The following ZC3HC1 variants were observed in gnomAD, a reference collection of about 807,000 sequenced individuals.
The protein encoded by ZC3HC1 is zinc finger C3HC-type containing 1.
A neutral mutation model predicts 61.9 loss-of-function variants in ZC3HC1; 38 were observed. The observed-to-expected ratio is 0.61, with a 90% CI of 0.47 to 0.81. The LOEUF (loss-of-function observed/expected upper bound fraction) is 0.81, where lower values mean the gene tolerates loss of function less well. Ranked by LOEUF, ZC3HC1 falls within the 30% of genes least tolerant of loss-of-function variation. ZC3HC1 has a pLI of 0.00. For synonymous variants in ZC3HC1, 213 were observed against 229.9 expected, an observed-to-expected ratio of 0.93 and a Z score of 0.67; for missense variants, 554 against 622.7, an observed-to-expected ratio of 0.89 and a Z score of 1.17.
intron 6 of ZC3HC1, among the ~76,000 whole-genome samples, chr7:130,024,796 C>A (rs947091970): frequency 3.3e-5 from 5 of 150,842 alleles, no homozygotes; most frequent in Non-Finnish European, 7.4e-5. Flanking sequence ...GTAATCCCAG[C>A]ACTTTGGGAG....
Position 130,018,590 on chromosome 7 carries a change from G to A in ZC3HC1, c.*74C>T, listed in dbSNP as rs111379097. 9.8e-4 allele frequency: 1,339 copies of A among 1,363,524 alleles called. 11 individuals carry two copies. In the African/African-American group the frequency reaches 0.017, roughly 17 times the overall value. The allele number at this position is 1,363,524 out of a possible 1,614,324, so 84.5% of individuals were successfully genotyped here. Reference sequence around the variant, plus strand: ...AGGAAAAACTTAGTGTCAGCTGACCGAAAGGAACTCAGCCTTAATTTTTCA... The same window carrying A: ...AGGAAAAACTTAGTGTCAGCTGACCAAAAGGAACTCAGCCTTAATTTTTCA... On this transcript the variant is annotated 3_prime_UTR_variant, in exon 10 of 10. Coordinates refer to ENST00000358303, the MANE Select transcript of ZC3HC1 (RefSeq NM_016478.5).
intron 2 of ZC3HC1, among the ~76,000 whole-genome samples, chr7:130,044,102 A>G (rs1794781436): frequency 6.6e-6 from 1 of 152,102 alleles, no homozygotes; most frequent in Admixed American, 6.6e-5. Flanking sequence ...ATAAACATAT[A>G]TATTTTCTAG....
chr7:130,030,162 C>T (rs537753454), intron 4 of ZC3HC1, among the ~76,000 whole-genome samples: 3 of 150,418 alleles, frequency 2.0e-5, no homozygotes, highest in East Asian at 3.9e-4. Context: ...GTCTAGTAGG[C>T]CTAGAATGAA....
At chr7:130,048,976 T>C in intron 2 of ZC3HC1, 57 bp downstream of exon 2, 4 of 1,391,472 alleles carry the variant, frequency 2.9e-6, no homozygotes, top group Non-Finnish European at 3.9e-6. Context: ...TGTAATACCT[T>C]GGAGGAATTC....
In ZC3HC1 at chr7:130,051,329, C is replaced by G; in HGVS notation, c.38G>C (p.Gly13Ala). The part of the protein sequence containing the change: ...APCEGQAFAV[G>A]VEKNWGAVVR... ...TACTGCACCCCAATTCTTTTCAACCCCTACGGCAAACGCTTGTCCCTCACA... is the reference window on the plus strand; with the variant it reads ...TACTGCACCCCAATTCTTTTCAACCGCTACGGCAAACGCTTGTCCCTCACA... The change falls in exon 1 of 10, where the codon GGG becomes GCG. Residue 13 changes from glycine to alanine, a missense_variant. By Grantham distance (60) the Gly-to-Ala change is moderately conservative (BLOSUM62 0). Coordinates refer to ENST00000358303, the MANE Select transcript of ZC3HC1 (RefSeq NM_016478.5). The G allele has an allele frequency of 6.2e-7, 1 of 1,613,360 alleles. No homozygotes were observed. The highest frequency in any genetic ancestry group is 1.3e-5 in the African/African-American group (1 of 75,016).
rs1194307319 is a variant in ZC3HC1 at position 130,029,170 on chromosome 7, A to T, written c.494-141T>A. Reference sequence around the variant, plus strand: ...CGGATCACCTGAGGTCAGGAGTTCAAGACCAACCTAGCCAACCTAGAAACC... The same window carrying T: ...CGGATCACCTGAGGTCAGGAGTTCATGACCAACCTAGCCAACCTAGAAACC... On this transcript the variant is annotated intron_variant, in intron 4 of 9. Coordinates refer to ENST00000358303, the MANE Select transcript of ZC3HC1 (RefSeq NM_016478.5). The T allele has an allele frequency of 5.8e-6, 5 of 859,848 alleles. No individual in the cohort carries two copies. The East Asian group carries it at 2.0e-4, about 34-fold the overall frequency. The allele number at this position is 859,848 out of a possible 1,614,324, so 53.3% of individuals were successfully genotyped here.
intron 3 of ZC3HC1, 113 bp downstream of exon 3, chr7:130,040,838 A>T: frequency 9.0e-5 from 92 of 1,027,784 alleles, no homozygotes; most frequent in Middle Eastern, 2.7e-4. Context: ...AAAAAAAAAG[A>T]TTGAAGTACG....
At chr7:130,036,493 C>T (rs990100327) in intron 4 of ZC3HC1, among the ~76,000 whole-genome samples, 1 of 151,958 alleles carries the variant, frequency 6.6e-6, no homozygotes, top group Non-Finnish European at 1.5e-5. Flanking sequence ...ACCCAAGAAG[C>T]GGAGGTTGCA....
chr7:130,022,669 T>A, intron 8 of ZC3HC1, 144 bp from the exon 9 acceptor site: 1 of 857,942 alleles, frequency 1.2e-6, no homozygotes, highest in South Asian at 1.7e-5. Context: ...TGCCTACACA[T>A]TTTCCTCTCA....
At chr7:130,041,240 T>G (rs1794658924) in intron 2 of ZC3HC1, 139 bp from the exon 3 acceptor site, 1 of 954,422 alleles carries the variant, frequency 1.0e-6, no homozygotes, top group Non-Finnish European at 1.5e-6. Context: ...CAGGCTGGAG[T>G]GCAGTGGCAC....
At chr7:130,040,652 A>C (rs1034791758) in intron 3 of ZC3HC1, among the ~76,000 whole-genome samples, 3 of 151,272 alleles carry the variant, frequency 2.0e-5, no homozygotes, top group South Asian at 2.1e-4. Context: ...CAAAAAAAAA[A>C]CAAAAATTAG....
At chr7:130,018,902 G>A (rs1281364527) in intron 9 of ZC3HC1, among the ~76,000 whole-genome samples, 170 bp from the exon 10 acceptor site, 1 of 152,104 alleles carries the variant, frequency 6.6e-6, no homozygotes, top group Non-Finnish European at 1.5e-5. Context: ...AGGGGCCAAC[G>A]TTCTACTGTC....
chr7:130,026,084 G>A lies in ZC3HC1; in HGVS notation c.776+74C>T, dbSNP rs117047975. On this transcript the variant is annotated intron_variant, in intron 6 of 9. Coordinates refer to ENST00000358303, the MANE Select transcript of ZC3HC1 (RefSeq NM_016478.5). ...GAAACACCATGTGATTTCTAAATACGATTAGTGACTGATATATATGGGTGT... is the reference window on the plus strand; with the variant it reads ...GAAACACCATGTGATTTCTAAATACAATTAGTGACTGATATATATGGGTGT... The A allele has an allele frequency of 4.3e-4, 622 of 1,435,758 alleles. 5 individuals carry two copies. In the East Asian group the frequency reaches 0.011, roughly 25 times the overall value. 88.9% of individuals were successfully genotyped at this position (1,435,758 alleles called of 1,614,324 possible).
intron 3 of ZC3HC1, among the ~76,000 whole-genome samples, chr7:130,040,147 TAAGTC>T (rs1481364403): frequency 7.7e-6 from 1 of 130,542 alleles, no homozygotes; most frequent in East Asian, 2.4e-4. Context: ...TAGATTACAT[TAAGTC>T]AAGTCCATGC....
intron 9 of ZC3HC1, among the ~76,000 whole-genome samples, chr7:130,021,953 T>A (rs1277641298): frequency 6.6e-6 from 1 of 152,082 alleles, no homozygotes; most frequent in Non-Finnish European, 1.5e-5. Flanking sequence ...GGCGGGGGGA[T>A]CACCTGAGGT....
intron 4 of ZC3HC1, among the ~76,000 whole-genome samples, chr7:130,037,217 G>T (rs930809694): frequency 6.6e-6 from 1 of 152,330 alleles, no homozygotes; most frequent in East Asian, 1.9e-4. Flanking sequence ...GCCAAGGCAG[G>T]CGGATCACTT....
chr7:130,051,090 T>C, intron 1 of ZC3HC1, 131 bp downstream of exon 1: 1 of 1,250,034 alleles, frequency 8.0e-7, no homozygotes, highest in Non-Finnish European at 1.1e-6. Context: ...CCAGAGTTTC[T>C]TTCAGATTCT....
At chr7:130,047,350 C>T (rs1304371526) in intron 2 of ZC3HC1, among the ~76,000 whole-genome samples, 1 of 152,106 alleles carries the variant, frequency 6.6e-6, no homozygotes, top group Non-Finnish European at 1.5e-5. Flanking sequence ...CCCACCTTGG[C>T]CTCCTAAAGT....
In ZC3HC1 at chr7:130,050,276, A is replaced by G. The variant is rs1795026169; in HGVS notation, c.146+945T>C. ...GTATTTTTAGTAGAGATGGGGTTTCACCGTGTTAGCCAGGATGGTCTTGAT... is the reference window on the plus strand; with the variant it reads ...GTATTTTTAGTAGAGATGGGGTTTCGCCGTGTTAGCCAGGATGGTCTTGAT... On this transcript the variant is annotated intron_variant, in intron 1 of 9. Transcript: ENST00000358303. Among the ~76,000 whole-genome samples, 3 of 151,936 alleles carry G rather than the reference A, an allele frequency of 2.0e-5. No individual in the cohort carries two copies. The South Asian group carries it at 6.2e-4, about 32-fold the overall frequency.
Sources: allele counts gnomAD v4.1 joint callset (sites outside exome capture counted in the v4.1 genomes callset), GRCh38; gene constraint gnomAD v4.1.1; transcripts MANE v1.5; gene names NCBI Gene and HGNC (gene_info 2026-07-23, HGNC 2026-07-21).